The following ZP1 variants were observed in gnomAD, a reference collection of about 807,000 sequenced individuals.
The protein encoded by ZP1 is zona pellucida glycoprotein 1.
ZP1 carries 58 observed loss-of-function variants against 67.4 expected under a neutral mutation model. That is an observed-to-expected ratio of 0.86 (90% CI 0.70 to 1.07). The LOEUF is 1.07. ZP1 is among the 50% of genes least tolerant of loss of function. ZP1 has a pLI of 0.00. For synonymous variants in ZP1, 333 were observed against 332.7 expected, an observed-to-expected ratio of 1.00 and a Z score of -0.01; for missense variants, 759 against 807.3, an observed-to-expected ratio of 0.94 and a Z score of 0.72.
chr11:60,869,880 T>C lies in ZP1; in HGVS notation c.662T>C (p.Val221Ala). The C allele has an allele frequency of 6.4e-7, 1 of 1,563,472 alleles. No individual in the cohort carries two copies. Among genetic ancestry groups the C allele is most frequent in the South Asian group, 1.2e-5 (1 of 82,684 alleles). ...TGGGGCACCTTGGAACACTGGGATG[T>C]GAACAAACGAGATTACATAGGTACG... ...PHWGTLEHWD[V>A]NKRDYIGTHL... Residue 221 changes from valine to alanine, a missense_variant, in exon 3 of 12, where the codon GTG becomes GCG. Transcript: ENST00000278853.
Position 60,869,261 on chromosome 11 carries a change from G to T in ZP1, c.313G>T (p.Glu105Ter), listed in dbSNP as rs746690574. 1.2e-6 allele frequency: 2 copies of T among 1,614,192 alleles called. No individual in the cohort carries two copies. The highest frequency in any genetic ancestry group is 8.5e-7 in the Non-Finnish European group (1 of 1,180,040). ...SADYRGCHVL[E>*]KDGRFHLRVF... The stretch of plus-strand genomic sequence containing the variant: ...CGATTACAGAGGCTGCCACGTGCTG[G>T]AGAAGGTAGGGGTTGTTCATGCTCT... Residue 105 changes from glutamate (E) to a stop codon, truncating the protein, a stop_gained, in exon 2 of 12, where the codon GAG (glutamate) becomes TAG (stop). Coordinates refer to ENST00000278853, the MANE Select transcript of ZP1 (RefSeq NM_207341.4). LOFTEE classifies it high-confidence loss of function.
intron 4 of ZP1, 90 bp from the exon 5 acceptor site, chr11:60,870,867 C>A (rs575479219): frequency 1.4e-6 from 2 of 1,410,476 alleles, no homozygotes; most frequent in South Asian, 1.3e-5. Flanking sequence ...TCTCCTAGAC[C>A]GGCACTTAAA....
chr11:60,875,252 G>A lies in ZP1; in HGVS notation c.1774+4G>A. 1 of 1,610,000 alleles carries A rather than the reference G, an allele frequency of 6.2e-7. No homozygotes were observed. The highest frequency in any genetic ancestry group is 8.5e-7 in the Non-Finnish European group (1 of 1,179,444). ...GAGCCCACACTTGGGCCCACAGGTAGGAGGGCTTCTGGGTGGGCCCCTCAG... is the reference window on the plus strand; with the variant it reads ...GAGCCCACACTTGGGCCCACAGGTAAGAGGGCTTCTGGGTGGGCCCCTCAG... On this transcript the variant is annotated splice_donor_region_variant and intron_variant, in intron 11 of 11. Transcript: ENST00000278853.
At chr11:60,871,630 C>T (rs1194743779) in intron 6 of ZP1, among the ~76,000 whole-genome samples, 1 of 152,218 alleles carries the variant, frequency 6.6e-6, no homozygotes, top group Non-Finnish European at 1.5e-5. Context: ...CTCCAAGAAC[C>T]AAGCTCAAAG....
Position 60,869,254 on chromosome 11 carries a change from C to G in ZP1, c.306C>G (p.His102Gln). ...TCTCGGCCGATTACAGAGGCTGCCACGTGCTGGAGAAGGTAGGGGTTGTTC... is the reference window on the plus strand; with the variant it reads ...TCTCGGCCGATTACAGAGGCTGCCAGGTGCTGGAGAAGGTAGGGGTTGTTC... Reference protein sequence around the residue: ...AVFSADYRGCHVLEKDGRFHL... With the variant: ...AVFSADYRGCQVLEKDGRFHL... Residue 102 changes from histidine to glutamine, a missense_variant, in exon 2 of 12, where the codon CAC (histidine) becomes CAG (glutamine). His to Gln is a conservative substitution (Grantham distance 24). Transcript: ENST00000278853. The G allele has an allele frequency of 1.2e-6, 2 of 1,614,164 alleles. No homozygotes were observed. The highest frequency in any genetic ancestry group is 1.7e-6 in the Non-Finnish European group (2 of 1,180,034).
chr11:60,868,075 T>A (rs1321333406), intron 1 of ZP1, among the ~76,000 whole-genome samples: 2 of 151,696 alleles, frequency 1.3e-5, no homozygotes, highest in African/African-American at 4.8e-5. Context: ...TCTCACTTCT[T>A]TCAATCTGTT....
At position 60,869,744 on chromosome 11, in the gene ZP1, G is replaced by A. The variant is rs190415130; in HGVS notation, c.526G>A (p.Gly176Ser). ...CTCTGGCCATACCTCCCAAGGCTCT[G>A]GCCATGCCTTTCCCAGCCCACTGGA... Reference protein sequence around the residue: ...PTSGHTSQGSGHAFPSPLDPG... With the variant: ...PTSGHTSQGSSHAFPSPLDPG... The change falls in exon 3 of 12, where the codon GGC becomes AGC. Residue 176 changes from glycine to serine, a missense_variant. Gly to Ser is a moderately conservative substitution (Grantham distance 56). Coordinates refer to ENST00000278853, the MANE Select transcript of ZP1 (RefSeq NM_207341.4). 590 of 1,613,968 alleles carry A rather than the reference G, an allele frequency of 3.7e-4. 4 individuals carry two copies. In the East Asian group the frequency reaches 0.013, roughly 34 times the overall value.
At position 60,870,973 on chromosome 11, in the gene ZP1, C is replaced by T; in HGVS notation, c.843C>T (p.Phe281=). Residue 281 remains phenylalanine, a synonymous_variant, in exon 5 of 12, where the codon TTC becomes TTT. Coordinates refer to ENST00000278853, the MANE Select transcript of ZP1 (RefSeq NM_207341.4). ...YYGNTATVQC[F]RDGYFVLVVS... ...TTGTCCCAGCTACTGTCCAGTGCTT[C>T]AGAGATGGCTACTTCGTCCTCGTGG... 1 of 1,613,940 alleles carries T rather than the reference C, an allele frequency of 6.2e-7. No individual in the cohort carries two copies. Among genetic ancestry groups the T allele is most frequent in the Non-Finnish European group, 8.5e-7 (1 of 1,179,856 alleles).
rs1565104414 is a variant in ZP1, at chr11:60,873,620, ACTTCT to A, written c.1431-7_1431-3del. ...CTGCCTCCTGTAAACAGCCTCTCTG[ACTTCT>A]CTTCTCAGATGCCCTTTCAAGGGCG... On this transcript the variant is annotated splice_polypyrimidine_tract_variant and intron_variant, in intron 8 of 11. Transcript: ENST00000278853. The A allele has an allele frequency of 1.5e-5, 24 of 1,613,936 alleles. No individual in the cohort carries two copies. The highest frequency in any genetic ancestry group is 2.0e-5 in the Non-Finnish European group (24 of 1,179,974).
Position 60,871,065 on chromosome 11 carries a change from C to A in ZP1, c.935C>A (p.Thr312Asn), listed in dbSNP as rs746007700. 49 of 1,614,262 alleles carry A rather than the reference C, an allele frequency of 3.0e-5. No individual in the cohort carries two copies. The highest frequency in any genetic ancestry group is 4.1e-5 in the Non-Finnish European group (48 of 1,180,048). ...AACATCCACCTGGCCTATGCCCCCA[C>A]CAGCTGCTCCCCAACACAGCACACG... ...LANIHLAYAP[T>N]SCSPTQHTEA... The change falls in exon 5 of 12, where the codon ACC becomes AAC. Residue 312 changes from threonine to asparagine, a missense_variant. Transcript: ENST00000278853.
chr11:60,875,234 C>A lies in ZP1; in HGVS notation c.1760C>A (p.Thr587Lys). ...GFEDSYGQEP[T>K]LGPTDSNGNS... ...GAGGATTCTTATGGGCAGGAGCCCA[C>A]ACTTGGGCCCACAGGTAGGAGGGCT... Residue 587 changes from threonine (T) to lysine (K), a missense_variant, in exon 11 of 12, where the codon ACA becomes AAA. Thr to Lys is a moderately conservative substitution (Grantham distance 78, BLOSUM62 -1). Coordinates refer to ENST00000278853, the MANE Select transcript of ZP1 (RefSeq NM_207341.4). 2 of 1,612,298 alleles carry A rather than the reference C, an allele frequency of 1.2e-6. No individual in the cohort carries two copies. The highest frequency in any genetic ancestry group is 1.1e-5 in the South Asian group (1 of 91,030).
chr11:60,870,056 A>G (rs1855537781), intron 3 of ZP1, among the ~76,000 whole-genome samples, 156 bp downstream of exon 3: 1 of 152,128 alleles, frequency 6.6e-6, no homozygotes, highest in East Asian at 1.9e-4. Flanking sequence ...TAGTATTTGG[A>G]AAACAGCTTT....
chr11:60,869,427 T>C, intron 2 of ZP1, 110 bp from the exon 3 acceptor site: 1 of 1,498,128 alleles, frequency 6.7e-7, no homozygotes, highest in Non-Finnish European at 8.9e-7. Context: ...GAATCCACCA[T>C]GAATCCAGCT....
rs763125643 is a variant in ZP1 at position 60,874,914 on chromosome 11, GTTC to G, written c.1573-14_1573-12del. Reference sequence around the variant, plus strand: ...GTGGCACTGAGCCAGCCACTTTGATGTTCTTCTCCTTCCACCAGGTTTACTTGT... The same window carrying G: ...GTGGCACTGAGCCAGCCACTTTGATGTTCTCCTTCCACCAGGTTTACTTGT... On this transcript the variant is annotated splice_polypyrimidine_tract_variant and intron_variant, in intron 9 of 11. Coordinates refer to ENST00000278853, the MANE Select transcript of ZP1 (RefSeq NM_207341.4). The G allele has an allele frequency of 1.1e-5, 17 of 1,613,826 alleles. No individual in the cohort carries two copies. Among genetic ancestry groups the G allele is most frequent in the African/African-American group, 6.7e-5 (5 of 74,926 alleles).
intron 6 of ZP1, among the ~76,000 whole-genome samples, chr11:60,872,602 T>C (rs556642206): frequency 9.9e-5 from 15 of 152,280 alleles, no homozygotes; most frequent in Admixed American, 9.1e-4. Context: ...ACAAGGACAA[T>C]GAAGACACAG....
At chr11:60,875,384 A>C (rs755125095) in intron 11 of ZP1, 130 bp from the exon 12 acceptor site, 172 of 1,512,710 alleles carry the variant, frequency 1.1e-4, no homozygotes, top group Admixed American at 9.6e-4. Context: ...GAACTAAGTG[A>C]AGACAGACAC....
chr11:60,875,483 C>T lies in ZP1; in HGVS notation c.1775-31C>T, dbSNP rs756402225. On this transcript the variant is annotated intron_variant, in intron 11 of 11. Coordinates refer to ENST00000278853, the MANE Select transcript of ZP1 (RefSeq NM_207341.4). ...GGAGGGGAGGGTTGGAGGGGCCTCACCCAGCCCTGCCAATCCCGTCTCTCT... is the reference window on the plus strand; with the variant it reads ...GGAGGGGAGGGTTGGAGGGGCCTCATCCAGCCCTGCCAATCCCGTCTCTCT... The T allele has an allele frequency of 1.9e-6, 3 of 1,612,054 alleles. No homozygotes were observed. In the Admixed American group the frequency reaches 5.0e-5, roughly 27 times the overall value.
At position 60,869,773 on chromosome 11, in the gene ZP1, AG is replaced by A; in HGVS notation, c.558del (p.His187ThrfsTer35). Reference sequence around the variant, plus strand: ...ATGCCTTTCCCAGCCCACTGGACCCAGGGCACAGCTCTGTCCACCCAACCCC... The same window carrying A: ...ATGCCTTTCCCAGCCCACTGGACCCAGGCACAGCTCTGTCCACCCAACCCC... Reference protein sequence around the residue: ...GHAFPSPLDPGHSSVHPTPAL... With the variant: ...GHAFPSPLDPXHSSVHPTPAL... On this transcript the variant is annotated frameshift_variant, in exon 3 of 12. Transcript: ENST00000278853. LOFTEE classifies it high-confidence loss of function. The A allele has an allele frequency of 6.2e-7, 1 of 1,613,994 alleles. No individual in the cohort carries two copies. The highest frequency in any genetic ancestry group is 8.5e-7 in the Non-Finnish European group (1 of 1,179,976).
rs557095250 is a variant in ZP1 at position 60,875,554 on chromosome 11, G to T, written c.1815G>T (p.Ala605=). The change falls in exon 12 of 12, where the codon GCG becomes GCT. Residue 605 remains alanine, a synonymous_variant. Coordinates refer to ENST00000278853, the MANE Select transcript of ZP1 (RefSeq NM_207341.4). ...GNSSLRPLLW[A]VLLLPAVALV... is the part of the protein sequence containing the mutation. ...CCAGCCTGAGACCTCTCCTTTGGGC[G>T]GTCCTTTTGCTGCCAGCTGTTGCCC... The T allele has an allele frequency of 1.9e-6, 3 of 1,613,986 alleles. No homozygotes were observed. Among genetic ancestry groups the T allele is most frequent in the Non-Finnish European group, 2.5e-6 (3 of 1,179,990 alleles).
Sources: gnomAD v4.1 joint callset for allele counts (sites outside exome capture counted in the v4.1 genomes callset) on GRCh38, gnomAD v4.1.1 for gene constraint, MANE v1.5 for transcripts, NCBI Gene and HGNC (gene_info 2026-07-23, HGNC 2026-07-21) for gene names.